Variants in NECAB2 observed in about 807,000 individuals in gnomAD.
NECAB2 encodes the protein N-terminal EF-hand calcium binding protein 2.
In NECAB2, 68 loss-of-function variants were observed where a neutral mutation model predicts 51.9. The ratio of observed to expected loss-of-function variants is 1.31; its 90% CI spans 1.08 to 1.60. NECAB2 has a LOEUF of 1.60. Among genes scored for constraint, NECAB2 ranks in the 40% most tolerant of loss-of-function variants. The probability of loss-of-function intolerance (pLI) is 0.00; values close to 1 mark genes in which losing one functional copy is unlikely to be tolerated. For synonymous variants in NECAB2, 329 were observed against 203.5 expected (o/e 1.62, Z -5.25); for missense variants, 854 against 490.3 (o/e 1.74, Z -7.00).
chr16:84,001,087 G>A (rs73248887), intron 11 of NECAB2, among the ~76,000 whole-genome samples: 2,315 of 152,182 alleles, frequency 0.015, 52 homozygotes, highest in African/African-American at 0.051. Flanking sequence ...CCTGGGGGCC[G>A]AGGCACTGCC....
intron 3 of NECAB2, among the ~76,000 whole-genome samples, chr16:83,980,532 C>T (rs2084472763): frequency 4.6e-5 from 7 of 152,158 alleles, no homozygotes; most frequent in Admixed American, 1.3e-4. Flanking sequence ...TCCCCACTCT[C>T]TGTCCCTTTA....
chr16:84,002,441 T>G lies in NECAB2; in HGVS notation c.*95T>G. ...TAGACAGACACTTTGGTGCAGAAGC[T>G]TCTTTTCAATCCATCCTCCACAAGA... On this transcript the variant is annotated 3_prime_UTR_variant, in exon 13 of 13. Transcript: ENST00000305202. 3 of 1,462,018 alleles carry G rather than the reference T, an allele frequency of 2.1e-6. No homozygotes were observed. The Admixed American group carries it at 5.0e-5, about 25-fold the overall frequency. 90.6% of individuals were successfully genotyped at this position (1,462,018 alleles called of 1,614,324 possible). A position where few individuals can be genotyped will look rare whatever the true frequency, so the allele number is the denominator to read the frequency against.
chr16:83,996,855 G>C (rs1374689975), intron 8 of NECAB2, among the ~76,000 whole-genome samples: 1 of 152,160 alleles, frequency 6.6e-6, no homozygotes, highest in Non-Finnish European at 1.5e-5. Flanking sequence ...GAAGACCAGA[G>C]AGAACAGTTC....
chr16:83,980,957 GGTGGGAGGTGCAGGAGTGCTGA>G (rs1469594257), intron 4 of NECAB2, 51 bp from the exon 5 acceptor site: 1 of 1,605,674 alleles, frequency 6.2e-7, no homozygotes, highest in Non-Finnish European at 8.5e-7. Flanking sequence ...AGGTAGCGCA[GGTGGGAGGTGCAGGAGTGCTGA>G]GTGGGAGGGG....
In NECAB2 at chr16:83,998,401, C is replaced by A. The variant is rs112362129; in HGVS notation, c.962+84C>A. The A allele has an allele frequency of 5.2e-5, 70 of 1,333,952 alleles. No homozygotes were observed. In the African/African-American group the frequency reaches 9.3e-4, roughly 18 times the overall value. 82.6% of individuals were successfully genotyped at this position (1,333,952 alleles called of 1,614,324 possible). A position where few individuals can be genotyped will look rare whatever the true frequency, so the allele number is the denominator to read the frequency against. On this transcript the variant is annotated intron_variant, in intron 10 of 12. Transcript: ENST00000305202. ...AGGAACAGGGCAGGACTAGGCTTTGCCCTAAGTAGTACAAGTTGCACCCCA... is the reference window on the plus strand; with the variant it reads ...AGGAACAGGGCAGGACTAGGCTTTGACCTAAGTAGTACAAGTTGCACCCCA...
intron 1 of NECAB2, chr16:83,971,578 G>A (rs112880334): frequency 6.5e-5 from 10 of 154,622 alleles, no homozygotes; most frequent in African/African-American, 1.7e-4. Flanking sequence ...TAATGCAGCC[G>A]GAACTTCGTC....
intron 8 of NECAB2, among the ~76,000 whole-genome samples, chr16:83,995,674 G>A (rs187661501): frequency 6.6e-6 from 1 of 152,162 alleles, no homozygotes; most frequent in African/African-American, 2.4e-5. Context: ...CCTTTGTAAA[G>A]GGTATTGCTA....
intron 2 of NECAB2, among the ~76,000 whole-genome samples, chr16:83,973,404 G>A (rs2084370111): frequency 6.6e-6 from 1 of 152,152 alleles, no homozygotes; most frequent in African/African-American, 2.4e-5. Flanking sequence ...CAGTTCCAAC[G>A]AGTCTCCCAC....
At chr16:83,982,886 T>A (rs1164063292) in intron 5 of NECAB2, among the ~76,000 whole-genome samples, 1 of 151,884 alleles carries the variant, frequency 6.6e-6, no homozygotes, top group Non-Finnish European at 1.5e-5. Flanking sequence ...TTTCTTTTTT[T>A]TTGAGACAGA....
Position 84,002,282 on chromosome 16 carries a change from G to C in NECAB2, c.1133-36G>C, listed in dbSNP as rs370431890. On this transcript the variant is annotated intron_variant, in intron 12 of 12. Transcript: ENST00000305202. ...ACCAGCTACGAGGCTGCCCACATTC[G>C]CACTCCTTCCCTCTAACGTGTCTCT... 7 of 1,612,420 alleles carry C rather than the reference G, an allele frequency of 4.3e-6. No homozygotes were observed. In the African/African-American group the frequency reaches 9.4e-5, roughly 22 times the overall value.
At chr16:83,972,494 C>T (rs547740040) in intron 2 of NECAB2, among the ~76,000 whole-genome samples, 1 of 152,304 alleles carries the variant, frequency 6.6e-6, no homozygotes, top group African/African-American at 2.4e-5. Flanking sequence ...TGGGCTGGAC[C>T]AGAGGAGCCC....
chr16:83,971,350 T>C (rs1236366814), intron 1 of NECAB2: 2 of 152,168 alleles, frequency 1.3e-5, no homozygotes, highest in African/African-American at 4.8e-5. Context: ...TGGCCCGGGC[T>C]GAGGAGGTTT....
At chr16:83,980,913 C>A in intron 4 of NECAB2, 49 bp downstream of exon 4, 1 of 1,612,906 alleles carries the variant, frequency 6.2e-7, no homozygotes, top group East Asian at 2.2e-5. Context: ...TGGGATGGGG[C>A]TGGATGAGAA....
chr16:83,993,374 G>C (rs2084650871), intron 6 of NECAB2: 1 of 152,444 alleles, frequency 6.6e-6, no homozygotes, highest in African/African-American at 2.4e-5. Flanking sequence ...CTCCGCAAGG[G>C]GGAGAGCCTG....
At position 84,000,656 on chromosome 16, in the gene NECAB2, A is replaced by AG. The variant is rs1450121894; in HGVS notation, c.963-64dup. 6 of 1,428,698 alleles carry AG rather than the reference A, an allele frequency of 4.2e-6. No individual in the cohort carries two copies. The East Asian group carries it at 1.4e-4, about 33-fold the overall frequency. 88.5% of individuals were successfully genotyped at this position (1,428,698 alleles called of 1,614,324 possible). A position where few individuals can be genotyped will look rare whatever the true frequency, so the allele number is the denominator to read the frequency against. On this transcript the variant is annotated intron_variant, in intron 10 of 12. Transcript: ENST00000305202. The stretch of plus-strand genomic sequence containing the variant: ...ATAGTGGTGGGTCTCAGGCCACCCC[A>AG]GGGGAACAGCACTGAGGTGGCCTTG...
At position 84,002,563 on chromosome 16, in the gene NECAB2, G is replaced by A; in HGVS notation, c.*217G>A. 1.6e-6 allele frequency: 1 copy of A among 631,672 alleles called. No homozygotes were observed. Among genetic ancestry groups the A allele is most frequent in the Non-Finnish European group, 2.7e-6 (1 of 364,890 alleles). 39.1% of individuals were successfully genotyped at this position (631,672 alleles called of 1,614,324 possible). A position where few individuals can be genotyped will look rare whatever the true frequency, so the allele number is the denominator to read the frequency against. ...CTGCCAGGTCCTGGTGAAGCCCAAG[G>A]TTGAAGGGGGCGGCTTCCTGGAGCC... On this transcript the variant is annotated 3_prime_UTR_variant, in exon 13 of 13. Coordinates refer to ENST00000305202, the MANE Select transcript of NECAB2 (RefSeq NM_019065.3).
At chr16:83,966,761 T>TCTCA (rs1432677140), upstream of NECAB2, among the ~76,000 whole-genome samples, 2 of 152,208 alleles carry the variant, frequency 1.3e-5, no homozygotes, top group Non-Finnish European at 2.9e-5. Flanking sequence ...CCTTGGGATG[T>TCTCA]CTCAGCATAA....
At chr16:83,977,761 C>T (rs544328263) in intron 2 of NECAB2, among the ~76,000 whole-genome samples, 2 of 152,336 alleles carry the variant, frequency 1.3e-5, no homozygotes, top group South Asian at 4.1e-4. Context: ...CCATTGGCAG[C>T]CATCTCATGC....
intron 8 of NECAB2, among the ~76,000 whole-genome samples, chr16:83,995,844 G>C (rs958161573): frequency 6.6e-6 from 1 of 152,204 alleles, no homozygotes; most frequent in Non-Finnish European, 1.5e-5. Flanking sequence ...CCTTCCTGAA[G>C]CCAGCTGCGG....
Sources: gnomAD v4.1 joint callset for allele counts (sites outside exome capture counted in the v4.1 genomes callset) on GRCh38, gnomAD v4.1.1 for gene constraint, MANE v1.5 for transcripts, NCBI Gene and HGNC (gene_info 2026-07-23, HGNC 2026-07-21) for gene names.